DLGAP1: variants seen among roughly 807,000 people sequenced by gnomAD.
The protein encoded by DLGAP1 is disks large-associated protein 1.
DLGAP1 carries 11 observed loss-of-function variants against 90.8 expected under a neutral mutation model. The observed-to-expected ratio is 0.12, with a 90% CI of 0.08 to 0.20. DLGAP1 has a LOEUF of 0.20. Ranked by LOEUF, DLGAP1 falls within the 10% of genes least tolerant of loss-of-function variation. The probability of loss-of-function intolerance (pLI) is 1.00; values close to 1 mark genes in which losing one functional copy is unlikely to be tolerated. For synonymous variants in DLGAP1, 558 were observed against 540.7 expected, an observed-to-expected ratio of 1.03 and a Z score of -0.44; for missense variants, 1,050 against 1,333.8, an observed-to-expected ratio of 0.79 and a Z score of 3.31.
chr18:3,819,875 T>G (rs950519079), intron 4 of DLGAP1, among the ~76,000 whole-genome samples: 2 of 152,200 alleles, frequency 1.3e-5, no homozygotes, highest in African/African-American at 4.8e-5. Flanking sequence ...TCATAGTGTT[T>G]TAAGGTCTGT....
chr18:3,721,502 T>C (rs961970827), intron 7 of DLGAP1: 1 of 152,160 alleles, frequency 6.6e-6, no homozygotes, highest in African/African-American at 2.4e-5. Flanking sequence ...AAAATTTAAT[T>C]TCAGTCTAGT....
At chr18:4,179,457 G>GCC (rs1217027082) in intron 1 of DLGAP1, among the ~76,000 whole-genome samples, 7 of 152,224 alleles carry the variant, frequency 4.6e-5, no homozygotes, top group Admixed American at 4.6e-4. Context: ...TAGTCATGAT[G>GCC]CCTTTTGTTA....
intron 2 of DLGAP1, among the ~76,000 whole-genome samples, chr18:4,023,989 C>T (rs778420749): frequency 3.9e-5 from 6 of 152,094 alleles, no homozygotes; most frequent in East Asian, 1.9e-4. Context: ...TTTTCTTCCC[C>T]TCTCTCATTG....
intron 3 of DLGAP1, among the ~76,000 whole-genome samples, chr18:3,963,065 A>T (rs2073237612): frequency 6.6e-6 from 1 of 152,154 alleles, no homozygotes; most frequent in Admixed American, 6.5e-5. Context: ...ATTCATGTGC[A>T]TCTTGATCTC....
chr18:4,278,769 A>C lies in DLGAP1; in HGVS notation c.-266-127482T>G, dbSNP rs1055909779. On this transcript the variant is annotated intron_variant, in intron 1 of 12. Coordinates refer to ENST00000315677, the MANE Select transcript of DLGAP1 (RefSeq NM_004746.4). ...TTATACACACACACACACATATTTT[A>C]TCTAATCATCTGTTGATGGACACTT... is the stretch of plus-strand genomic sequence containing the variant. Among the ~76,000 whole-genome samples, 9 of 104,042 alleles carry C rather than the reference A, an allele frequency of 8.7e-5. No individual in the cohort carries two copies. The East Asian group carries it at 2.1e-3, about 25-fold the overall frequency. 68.3% of individuals were successfully genotyped at this position (104,042 alleles called of 152,430 possible).
chr18:4,314,233 T>G (rs2080472040), intron 1 of DLGAP1, among the ~76,000 whole-genome samples: 1 of 152,186 alleles, frequency 6.6e-6, no homozygotes, highest in South Asian at 2.1e-4. Context: ...GGTAAGCAGA[T>G]TCTGAAGTCT....
At chr18:4,073,766 TATC>T (rs200661502) in intron 2 of DLGAP1, among the ~76,000 whole-genome samples, 2,602 of 152,320 alleles carry the variant, frequency 0.017, 33 homozygotes, top group African/African-American at 0.021. Context: ...GATATTTAGA[TATC>T]ATCACCCTAT....
At chr18:3,856,721 T>C (rs1051108158) in intron 4 of DLGAP1, among the ~76,000 whole-genome samples, 5 of 151,456 alleles carry the variant, frequency 3.3e-5, no homozygotes, top group Non-Finnish European at 7.4e-5. Context: ...ATTAGCCGGG[T>C]GTGGTGGCAG....
intron 2 of DLGAP1, among the ~76,000 whole-genome samples, chr18:4,073,796 C>G (rs571494077): frequency 9.7e-4 from 147 of 152,188 alleles, no homozygotes; most frequent in African/African-American, 3.4e-3. Flanking sequence ...GATCCTTAGT[C>G]AAATGAGTCA....
intron 2 of DLGAP1, among the ~76,000 whole-genome samples, chr18:4,034,774 T>C (rs1408707399): frequency 6.6e-6 from 1 of 152,212 alleles, no homozygotes; most frequent in Non-Finnish European, 1.5e-5. Context: ...CCTAGCACTG[T>C]GGTGGGCCCA....
In DLGAP1 at chr18:3,526,725, C is replaced by A. The variant is rs565934218; in HGVS notation, c.2479+7469G>T. The stretch of plus-strand genomic sequence containing the variant: ...TTTCCCCACAGTGGTAGACTGCATT[C>A]CTAGTTGGAGGCATTCAGCTCCATC... On this transcript the variant is annotated intron_variant, in intron 10 of 12. Coordinates refer to ENST00000315677, the MANE Select transcript of DLGAP1 (RefSeq NM_004746.4). This position sits in a 1 kb window ranked among gnomAD's most constrained non-coding sequence, Gnocchi z 4.7. Among the ~76,000 whole-genome samples, 1 of 152,348 alleles carries A rather than the reference C, an allele frequency of 6.6e-6. No homozygotes were observed. The highest frequency in any genetic ancestry group is 6.5e-5 in the Admixed American group (1 of 15,302).
At position 3,496,465 on chromosome 18, in the gene DLGAP1, A is replaced by G. The variant is rs544320742; in HGVS notation, c.*2720T>C. The G allele has an allele frequency of 7.2e-5, 11 of 152,304 alleles. No homozygotes were observed. The highest frequency in any genetic ancestry group is 2.6e-4 in the African/African-American group (11 of 41,566). The allele number at this position is 152,304 out of a possible 1,614,324, so 9.4% of individuals were successfully genotyped here. On this transcript the variant is annotated 3_prime_UTR_variant, in exon 13 of 13. Transcript: ENST00000315677. ...TTAAAAATCTTTAATCCATTTCTTCATCTCTCTTTACAAAAAGGTTATGTG... is the reference window on the plus strand; with the variant it reads ...TTAAAAATCTTTAATCCATTTCTTCGTCTCTCTTTACAAAAAGGTTATGTG...
At chr18:3,669,579 G>C (rs1006486600) in intron 7 of DLGAP1, among the ~76,000 whole-genome samples, 14 of 152,228 alleles carry the variant, frequency 9.2e-5, no homozygotes, top group African/African-American at 3.4e-4. Flanking sequence ...TCCCGCACAT[G>C]GATCGATGCC....
intron 1 of DLGAP1, among the ~76,000 whole-genome samples, chr18:4,258,608 A>T (rs2078944487): frequency 6.6e-6 from 1 of 152,184 alleles, no homozygotes. Context: ...AAAGTGAAAA[A>T]ATATATAATA....
At chr18:3,962,621 AG>A (rs2073226219) in intron 3 of DLGAP1, among the ~76,000 whole-genome samples, 2 of 151,788 alleles carry the variant, frequency 1.3e-5, no homozygotes, top group Non-Finnish European at 2.9e-5. Context: ...TAGACGTTTG[AG>A]GTTTGGCTCT....
chr18:3,525,525 G>A (rs371714854), intron 10 of DLGAP1, among the ~76,000 whole-genome samples: 3 of 152,120 alleles, frequency 2.0e-5, no homozygotes, highest in African/African-American at 4.8e-5. Context: ...TCAGCCTCCC[G>A]AGTAGCTGGG....
At chr18:3,722,176 C>T (rs2062005943) in intron 7 of DLGAP1, 1 of 152,152 alleles carries the variant, frequency 6.6e-6, no homozygotes, top group Admixed American at 6.6e-5. Flanking sequence ...CGAATGTGGG[C>T]AAAGGTGGAC....
chr18:4,061,333 T>C (rs1598329062), intron 2 of DLGAP1, among the ~76,000 whole-genome samples: 1 of 152,026 alleles, frequency 6.6e-6, no homozygotes, highest in African/African-American at 2.4e-5. Flanking sequence ...TTAGATAGGA[T>C]AAAGCTGAAG....
At chr18:3,672,654 T>C (rs1464333705) in intron 7 of DLGAP1, among the ~76,000 whole-genome samples, 1 of 151,440 alleles carries the variant, frequency 6.6e-6, no homozygotes, top group Non-Finnish European at 1.5e-5. Flanking sequence ...TTTAAGACTT[T>C]TAGAGACTAC....
Sources: allele counts gnomAD v4.1 joint callset (sites outside exome capture counted in the v4.1 genomes callset), GRCh38; gene constraint gnomAD v4.1.1; non-coding constraint Gnocchi (gnomAD v3.1); transcripts MANE v1.5; gene names NCBI Gene and HGNC (gene_info 2026-07-23, HGNC 2026-07-21).